Variants in DAP3 observed in about 807,000 individuals in gnomAD.
The protein encoded by DAP3 is death associated protein 3.
In DAP3, 28 loss-of-function variants were observed where a neutral mutation model predicts 51.9. That is an observed-to-expected ratio of 0.54 (90% CI 0.40 to 0.74). The LOEUF (loss-of-function observed/expected upper bound fraction) is 0.74. Among genes scored for constraint, DAP3 ranks in the 30% least tolerant of loss-of-function variants. DAP3 has a pLI of 0.00. For missense variants in DAP3, 458 were observed against 483.5 expected, an observed-to-expected ratio of 0.95 and a Z score of 0.49; for synonymous variants, 170 against 170.3, an observed-to-expected ratio of 1.00 and a Z score of 0.01.
chr1:155,728,536 T>A (rs951119975), intron 7 of DAP3, among the ~76,000 whole-genome samples: 1 of 151,924 alleles, frequency 6.6e-6, no homozygotes, highest in Non-Finnish European at 1.5e-5. Flanking sequence ...TACTCCAGCC[T>A]GGGTAACAGA....
rs557933418 is a variant in DAP3, at chr1:155,719,709, G to A, written c.169-1808G>A. Among the ~76,000 whole-genome samples the A allele has an allele frequency of 2.0e-5, 3 of 151,374 alleles. No homozygotes were observed. In the East Asian group the frequency reaches 5.9e-4, roughly 30 times the overall value. ...ATTACAGGCGCCTGCCACCGTGCCT[G>A]GCTAATTTTTTGTATTTTTTGTAGA... On this transcript the variant is annotated intron_variant, in intron 3 of 12. Transcript: ENST00000368336.
intron 3 of DAP3, among the ~76,000 whole-genome samples, chr1:155,718,349 G>A (rs1211239713): frequency 6.6e-6 from 1 of 152,050 alleles, no homozygotes; most frequent in African/African-American, 2.4e-5. Flanking sequence ...TCGCGCCACT[G>A]CACTCCAGGC....
intron 1 of DAP3, among the ~76,000 whole-genome samples, chr1:155,703,086 G>A (rs1217414209): frequency 6.6e-6 from 1 of 152,180 alleles, no homozygotes; most frequent in Non-Finnish European, 1.5e-5. Context: ...GACATATGAG[G>A]CCTCCAAATT....
chr1:155,734,344 CTTT>C (rs372867843), intron 11 of DAP3, among the ~76,000 whole-genome samples: 1 of 145,388 alleles, frequency 6.9e-6, no homozygotes, highest in Non-Finnish European at 1.5e-5. Context: ...CTTTTCTTTC[CTTT>C]TTTTTTTTAG....
intron 2 of DAP3, chr1:155,710,172 G>T (rs1211431775): frequency 1.1e-5 from 2 of 180,280 alleles, no homozygotes; most frequent in African/African-American, 4.7e-5. Context: ...ACATGAAAAA[G>T]ACCATTCTGC....
chr1:155,717,095 G>A lies in DAP3; in HGVS notation c.135G>A (p.Pro45=), dbSNP rs768657534. The change falls in exon 3 of 13, where the codon CCG becomes CCA. Residue 45 remains proline (P), a synonymous_variant. Coordinates refer to ENST00000368336, the MANE Select transcript of DAP3 (RefSeq NM_004632.4). ...HLDNQVPVES[P]RAISRTNEND... ...ATAACCAGGTTCCAGTTGAGAGTCC[G>A]AGAGCTATTTCCCGCACCAATGAGA... is the stretch of plus-strand genomic sequence containing the variant. 7.4e-6 allele frequency: 12 copies of A among 1,613,984 alleles called. No homozygotes were observed. Among genetic ancestry groups the A allele is most frequent in the East Asian group, 6.7e-5 (3 of 44,894 alleles).
upstream of DAP3, chr1:155,688,411 C>T (rs1652991887): frequency 2.6e-6 from 4 of 1,545,112 alleles, no homozygotes; most frequent in African/African-American, 1.4e-5. Context: ...ACCTCCCACT[C>T]CTCCCTCCTC....
In DAP3 at chr1:155,693,252, G is replaced by A. The variant is rs910946983; in HGVS notation, c.-8+4078G>A. On this transcript the variant is annotated intron_variant, in intron 1 of 12. Transcript: ENST00000368336. ...AATTAGGTCGAATATCAATATTTCC[G>A]ACCATCAACATAAAAGGAGGCTTGA... is the stretch of plus-strand genomic sequence containing the variant. 3.5e-5 allele frequency among the ~76,000 whole-genome samples: 5 copies of A among 141,700 alleles called. No individual in the cohort carries two copies. The South Asian group carries it at 6.2e-4, about 18-fold the overall frequency. The allele number at this position is 141,700 out of a possible 152,430, so 93.0% of individuals were successfully genotyped here.
intron 1 of DAP3, among the ~76,000 whole-genome samples, chr1:155,700,626 C>T (rs1571442110): frequency 7.0e-6 from 1 of 143,480 alleles, no homozygotes; most frequent in African/African-American, 2.6e-5. Flanking sequence ...GGCGCCTCGG[C>T]CCGGCCGCCC....
intron 9 of DAP3, among the ~76,000 whole-genome samples, chr1:155,729,936 C>T (rs1175002579): frequency 5.3e-5 from 8 of 151,516 alleles, no homozygotes; most frequent in Non-Finnish European, 8.8e-5. Context: ...CAAAATTAGC[C>T]GGGCATGGTG....
chr1:155,697,906 C>T (rs1264095333), intron 1 of DAP3, among the ~76,000 whole-genome samples: 1 of 152,172 alleles, frequency 6.6e-6, no homozygotes, highest in African/African-American at 2.4e-5. Context: ...AGCGATTTTA[C>T]AGATGTCTCC....
At chr1:155,694,113 A>G (rs1654212735) in intron 1 of DAP3, among the ~76,000 whole-genome samples, 1 of 141,902 alleles carries the variant, frequency 7.0e-6, no homozygotes. Context: ...GGCTCCATCC[A>G]GAAAATAAAT....
chr1:155,688,977 G>T (rs1222830609), upstream of DAP3: 2 of 1,607,880 alleles, frequency 1.2e-6, no homozygotes, highest in Admixed American at 3.4e-5. Flanking sequence ...CCTCCTCCAT[G>T]GGACCGCGGC....
At chr1:155,687,969 G>C (rs1652756076), upstream of DAP3, 2 of 1,320,708 alleles carry the variant, frequency 1.5e-6, no homozygotes, top group South Asian at 2.9e-5. Context: ...TGCTCTCCCA[G>C]AGGTCCAGGT....
At chr1:155,734,990 C>T (rs1282589335) in intron 11 of DAP3, among the ~76,000 whole-genome samples, 1 of 151,544 alleles carries the variant, frequency 6.6e-6, no homozygotes, top group Non-Finnish European at 1.5e-5. Flanking sequence ...TCAGGCTGGG[C>T]GTGGTGGCTC....
At chr1:155,732,722 A>G (rs1023046296) in intron 11 of DAP3, among the ~76,000 whole-genome samples, 3 of 152,308 alleles carry the variant, frequency 2.0e-5, no homozygotes, top group Admixed American at 6.5e-5. Flanking sequence ...ATAATGTGTT[A>G]CATTAAGTTG....
chr1:155,729,307 G>A lies in DAP3; in HGVS notation c.784G>A (p.Val262Met), dbSNP rs536698370. 4 of 1,614,130 alleles carry A rather than the reference G, an allele frequency of 2.5e-6. No individual in the cohort carries two copies. The South Asian group carries it at 4.4e-5, about 18-fold the overall frequency. Residue 262 changes from valine to methionine, a missense_variant, in exon 9 of 13, where the codon GTG (valine) becomes ATG (methionine). Coordinates refer to ENST00000368336, the MANE Select transcript of DAP3 (RefSeq NM_004632.4). ...GGGTATGTTTCACCTCCTAGTGGCC[G>A]TGGATGGAATCAATGCTCTTTGGGG... ...SLGMFHLLVA[V>M]DGINALWGRT... is the part of the protein sequence containing the mutation.
In DAP3 at chr1:155,725,405, C is replaced by T; in HGVS notation, c.294C>T (p.Cys98=). 1 of 1,614,022 alleles carries T rather than the reference C, an allele frequency of 6.2e-7. No homozygotes were observed. Among genetic ancestry groups the T allele is most frequent in the Non-Finnish European group, 8.5e-7 (1 of 1,179,996 alleles). Residue 98 remains cysteine (C), a synonymous_variant, in exon 5 of 13, where the codon TGC becomes TGT. Coordinates refer to ENST00000368336, the MANE Select transcript of DAP3 (RefSeq NM_004632.4). ...AGGTGAAGACATTCAGTGAAGCTTG[C>T]CTGATGGTAAGGAAACCAGCCCTAG... The part of the protein sequence containing the change: ...VMQVKTFSEA[C]LMVRKPALEL...
chr1:155,713,533 TTATTCCAGGGCAAAC>T (rs1286169780), intron 2 of DAP3, among the ~76,000 whole-genome samples: 1 of 152,224 alleles, frequency 6.6e-6, no homozygotes, highest in Admixed American at 6.5e-5. Flanking sequence ...TTCAGATTCT[TTATTCCAGGGCAAAC>T]TAAATACCTG....
Sources: allele counts gnomAD v4.1 joint callset (sites outside exome capture counted in the v4.1 genomes callset), GRCh38; gene constraint gnomAD v4.1.1; transcripts MANE v1.5; gene names NCBI Gene and HGNC (gene_info 2026-07-23, HGNC 2026-07-21).